The following PCGF6 variants were observed in gnomAD, a reference collection of about 807,000 sequenced individuals.
PCGF6 encodes polycomb group RING finger protein 6.
A neutral mutation model predicts 45.5 loss-of-function variants in PCGF6; 24 were observed. The observed-to-expected ratio is 0.53, with a 90% CI of 0.38 to 0.74. PCGF6 has a LOEUF of 0.74. Among genes scored for constraint, PCGF6 ranks in the 30% least tolerant of loss-of-function variants. The pLI is 0.00. For synonymous variants in PCGF6, 152 were observed against 162.1 expected, an observed-to-expected ratio of 0.94 and a Z score of 0.47; for missense variants, 356 against 443.2, an observed-to-expected ratio of 0.80 and a Z score of 1.77.
intron 9 of PCGF6, among the ~76,000 whole-genome samples, chr10:103,313,438 G>A (rs1185393704): frequency 6.6e-6 from 1 of 152,164 alleles, no homozygotes; most frequent in African/African-American, 2.4e-5. Flanking sequence ...GGTGGCACAT[G>A]CCTATAATCC....
At chr10:103,339,810 A>AAAC (rs1554865094) in intron 6 of PCGF6, among the ~76,000 whole-genome samples, 110 of 32,224 alleles carry the variant, frequency 3.4e-3, no homozygotes, top group East Asian at 7.6e-3. Flanking sequence ...TCAAAAAAAA[A>AAAC]ACACACACAC....
At position 103,314,214 on chromosome 10, in the gene PCGF6, CG is replaced by C. The variant is rs2093166961; in HGVS notation, c.967del (p.Arg323AspfsTer4). 1 of 1,606,064 alleles carries C rather than the reference CG, an allele frequency of 6.2e-7. No individual in the cohort carries two copies. Among genetic ancestry groups the C allele is most frequent in the East Asian group, 2.2e-5 (1 of 44,602 alleles). Reference protein sequence around the residue: ...LEQYQTLREIRRAIGDAAMQD... With the variant: ...LEQYQTLREIXRAIGDAAMQD... The stretch of plus-strand genomic sequence containing the variant: ...CATTGCTGCATCACCTATTGCACGT[CG>C]GATTTCCCTTAGAGTTTGATACTGC... On this transcript the variant is annotated frameshift_variant, in exon 9 of 10. Transcript: ENST00000369847. LOFTEE classifies it high-confidence loss of function.
At chr10:103,314,047 A>G in intron 9 of PCGF6, 139 bp downstream of exon 9, 1 of 385,588 alleles carries the variant, frequency 2.6e-6, no homozygotes, top group East Asian at 4.0e-5. Flanking sequence ...CAAGAATTTG[A>G]TAAATATTAA....
intron 8 of PCGF6, among the ~76,000 whole-genome samples, chr10:103,319,593 T>C (rs1326275330): frequency 2.0e-5 from 3 of 152,162 alleles, no homozygotes; most frequent in African/African-American, 7.2e-5. Flanking sequence ...TGTTAGTTAG[T>C]TGTTTACTTA....
intron 3 of PCGF6, 38 bp downstream of exon 3, chr10:103,348,678 T>C (rs2093308581): frequency 7.3e-7 from 1 of 1,375,584 alleles, no homozygotes; most frequent in Non-Finnish European, 1.0e-6. Context: ...AGAAAAAGTA[T>C]ATTTAAAATA....
intron 1 of PCGF6, 51 bp downstream of exon 1, chr10:103,350,656 C>G: frequency 7.2e-7 from 1 of 1,394,796 alleles, no homozygotes; most frequent in Non-Finnish European, 9.4e-7. Flanking sequence ...GGGCCAGCTA[C>G]GTCCCTGACG....
intron 1 of PCGF6, 24 bp downstream of exon 1, chr10:103,350,683 G>GGGT (rs1564737432): frequency 6.9e-7 from 1 of 1,455,906 alleles, no homozygotes; most frequent in Admixed American, 2.4e-5. Context: ...GGGCCCAGCG[G>GGGT]GGTCGCGCGG....
chr10:103,339,162 C>T (rs1025465942), intron 6 of PCGF6, among the ~76,000 whole-genome samples: 2 of 152,156 alleles, frequency 1.3e-5, no homozygotes, highest in African/African-American at 4.8e-5. Flanking sequence ...CGCCTGTAAT[C>T]CCATCATTTT....
At position 103,314,214 on chromosome 10, in the gene PCGF6, C is replaced by T. The variant is rs755618927; in HGVS notation, c.968G>A (p.Arg323Gln). ...CATTGCTGCATCACCTATTGCACGTCGGATTTCCCTTAGAGTTTGATACTG... is the reference window on the plus strand; with the variant it reads ...CATTGCTGCATCACCTATTGCACGTTGGATTTCCCTTAGAGTTTGATACTG... ...LEQYQTLREIRRAIGDAAMQD... is the reference protein window; with the variant it reads ...LEQYQTLREIQRAIGDAAMQD... Residue 323 changes from arginine (R) to glutamine (Q), a missense_variant, in exon 9 of 10, where the codon CGA becomes CAA. Coordinates refer to ENST00000369847, the MANE Select transcript of PCGF6 (RefSeq NM_001011663.2). 1.1e-5 allele frequency: 17 copies of T among 1,605,946 alleles called. No homozygotes were observed. Among genetic ancestry groups the T allele is most frequent in the Middle Eastern group, 1.6e-4 (1 of 6,066 alleles).
intron 8 of PCGF6, among the ~76,000 whole-genome samples, chr10:103,320,924 T>C (rs189381801): frequency 2.7e-4 from 41 of 152,224 alleles, no homozygotes; most frequent in African/African-American, 7.5e-4. Flanking sequence ...ACACCAAGAA[T>C]TGTAGTCTGA....
intron 8 of PCGF6, among the ~76,000 whole-genome samples, chr10:103,324,328 GA>G (rs35051041): frequency 0.45 from 59,038 of 131,550 alleles, 13,424 homozygotes; most frequent in South Asian, 0.65. Context: ...TTTGACTAAT[GA>G]AAAAAAAAAA....
intron 9 of PCGF6, among the ~76,000 whole-genome samples, chr10:103,305,610 TAA>T (rs146458474): frequency 0.011 from 1,710 of 152,214 alleles, 28 homozygotes; most frequent in African/African-American, 0.038. Context: ...TAGATTCTCC[TAA>T]AAAAGACTCA....
intron 7 of PCGF6, among the ~76,000 whole-genome samples, chr10:103,327,876 ACT>A (rs1434539460): frequency 3.4e-5 from 5 of 146,546 alleles, no homozygotes; most frequent in Admixed American, 2.1e-4. Flanking sequence ...ATAGGGTTTC[ACT>A]GTTAGCCAGC....
intron 8 of PCGF6, among the ~76,000 whole-genome samples, chr10:103,315,428 C>T (rs760539430): frequency 1.3e-5 from 2 of 152,256 alleles, no homozygotes; most frequent in African/African-American, 2.4e-5. Context: ...GGCACAATCT[C>T]GGCTCACTGC....
At chr10:103,309,012 A>G (rs1291754403) in intron 9 of PCGF6, among the ~76,000 whole-genome samples, 1 of 152,072 alleles carries the variant, frequency 6.6e-6, no homozygotes, top group African/African-American at 2.4e-5. Flanking sequence ...CAATGTTTAT[A>G]CCCCCATTGT....
chr10:103,325,252 T>G (rs1297252289), intron 8 of PCGF6, among the ~76,000 whole-genome samples: 1 of 152,154 alleles, frequency 6.6e-6, no homozygotes, highest in Non-Finnish European at 1.5e-5. Context: ...CTTGTTTTTT[T>G]GTTTGTTTTG....
At chr10:103,327,084 C>T (rs565548172) in intron 7 of PCGF6, among the ~76,000 whole-genome samples, 136 of 152,166 alleles carry the variant, frequency 8.9e-4, no homozygotes, top group Non-Finnish European at 1.1e-3. Flanking sequence ...GTCAGGAGTT[C>T]GAGACCAGCC....
At chr10:103,310,536 C>T (rs1270740432) in intron 9 of PCGF6, among the ~76,000 whole-genome samples, 3 of 152,054 alleles carry the variant, frequency 2.0e-5, no homozygotes, top group Admixed American at 1.3e-4. Context: ...TTTTCTGCTT[C>T]TTCCAAGGAA....
chr10:103,306,836 GC>G (rs2093139856), intron 9 of PCGF6, among the ~76,000 whole-genome samples: 2 of 152,230 alleles, frequency 1.3e-5, no homozygotes, highest in Non-Finnish European at 2.9e-5. Context: ...AGGTGCAGGG[GC>G]TCATGCCTAT....
Sources: allele counts gnomAD v4.1 joint callset (sites outside exome capture counted in the v4.1 genomes callset), GRCh38; gene constraint gnomAD v4.1.1; transcripts MANE v1.5; gene names NCBI Gene and HGNC (gene_info 2026-07-23, HGNC 2026-07-21).